The following ZCCHC14 variants were observed in gnomAD, a reference collection of about 807,000 sequenced individuals.
The protein encoded by ZCCHC14 is zinc finger CCHC domain-containing protein 14.
Under a neutral mutation model 85.0 loss-of-function variants are expected in ZCCHC14, and 16 were observed. The observed-to-expected ratio is 0.19, with a 90% CI of 0.13 to 0.29. The LOEUF (loss-of-function observed/expected upper bound fraction) is 0.29, where lower values mean the gene tolerates loss of function less well. Ranked by LOEUF, ZCCHC14 falls within the 10% of genes least tolerant of loss-of-function variation. The pLI is 1.00. For synonymous variants in ZCCHC14, 775 were observed against 630.7 expected (o/e 1.23, Z -3.43); for missense variants, 1,303 against 1,443.5 (o/e 0.90, Z 1.58).
intron 1 of ZCCHC14, chr16:87,467,212 A>C: frequency 6.5e-7 from 1 of 1,531,478 alleles, no homozygotes; most frequent in Non-Finnish European, 9.0e-7. Context: ...TTTTAAAAGG[A>C]AACTCGAATG....
intron 1 of ZCCHC14, chr16:87,471,777 C>T (rs1011223805): frequency 1.3e-4 from 20 of 152,386 alleles, no homozygotes; most frequent in African/African-American, 4.6e-4. Context: ...GACATACTTC[C>T]TAGTCCTGTA....
At position 87,418,254 on chromosome 16, in the gene ZCCHC14, C is replaced by T. The variant is rs547546329; in HGVS notation, c.1101-512G>A. Among the ~76,000 whole-genome samples, 111 of 152,316 alleles carry T rather than the reference C, an allele frequency of 7.3e-4. 1 individual carries two copies. Among genetic ancestry groups the T allele is most frequent in the African/African-American group, 2.6e-3 (106 of 41,566 alleles). On this transcript the variant is annotated intron_variant, in intron 7 of 12. Coordinates refer to ENST00000671377, the MANE Select transcript of ZCCHC14 (RefSeq NM_015144.3). The stretch of plus-strand genomic sequence containing the variant: ...ACAATTTTTCTAGAAAAGTAAAACG[C>T]AGAAGGCTGGAAGGTGTGACCGGCA...
chr16:87,481,463 G>A (rs1912262332), intron 1 of ZCCHC14, among the ~76,000 whole-genome samples: 1 of 147,888 alleles, frequency 6.8e-6, no homozygotes, highest in South Asian at 2.2e-4. Flanking sequence ...TCAAATCTAA[G>A]CCTGCGTCCA....
At chr16:87,443,979 G>C (rs1479351072) in intron 2 of ZCCHC14, among the ~76,000 whole-genome samples, 1 of 141,494 alleles carries the variant, frequency 7.1e-6, no homozygotes, top group Non-Finnish European at 1.5e-5. Flanking sequence ...GGAGATTACA[G>C]TGAGCCAAGA....
intron 2 of ZCCHC14, among the ~76,000 whole-genome samples, chr16:87,442,951 G>A (rs367709047): frequency 1.3e-5 from 2 of 152,196 alleles, no homozygotes; most frequent in African/African-American, 2.4e-5. Context: ...TGAGAGGACT[G>A]TTTGTCAGCG....
At position 87,411,679 on chromosome 16, in the gene ZCCHC14, G is replaced by A; in HGVS notation, c.3042C>T (p.Asn1014=). Residue 1014 remains asparagine, a synonymous_variant, in exon 12 of 13, where the codon AAC becomes AAT. Transcript: ENST00000671377. ...QSTFAVPPMQ[N]FMAGTAGVYQ... is the part of the protein sequence containing the mutation. ...ACACCCCTGCTGTCCCTGCCATGAA[G>A]TTCTGCATGGGTGGCACGGCAAACG... 1 of 1,614,140 alleles carries A rather than the reference G, an allele frequency of 6.2e-7. No homozygotes were observed. Among genetic ancestry groups the A allele is most frequent in the Non-Finnish European group, 8.5e-7 (1 of 1,179,990 alleles).
chr16:87,420,247 G>C lies in ZCCHC14; in HGVS notation c.950+360C>G, dbSNP rs947615412. 1.3e-5 allele frequency among the ~76,000 whole-genome samples: 2 copies of C among 152,186 alleles called. No individual in the cohort carries two copies. Among genetic ancestry groups the C allele is most frequent in the Non-Finnish European group, 2.9e-5 (2 of 68,048 alleles). On this transcript the variant is annotated intron_variant, in intron 5 of 12. Coordinates refer to ENST00000671377, the MANE Select transcript of ZCCHC14 (RefSeq NM_015144.3). The surrounding 1 kb of genome is among the most constrained non-coding windows in gnomAD (Gnocchi z 5.0). Reference sequence around the variant, plus strand: ...TTACTTCGTGTGCCACGTGAGCCAAGACACGATCGAGGGTCCAGAGAAACT... The same window carrying C: ...TTACTTCGTGTGCCACGTGAGCCAACACACGATCGAGGGTCCAGAGAAACT...
At chr16:87,435,085 A>G (rs1054202995) in intron 2 of ZCCHC14, among the ~76,000 whole-genome samples, 2 of 151,170 alleles carry the variant, frequency 1.3e-5, no homozygotes, top group Non-Finnish European at 2.9e-5. Flanking sequence ...GATATTAAGG[A>G]CTCTGACAAG....
intron 3 of ZCCHC14, among the ~76,000 whole-genome samples, chr16:87,426,102 C>T (rs1328631527): frequency 4.6e-5 from 7 of 152,162 alleles, no homozygotes; most frequent in Non-Finnish European, 1.0e-4. Context: ...CACAGTCAGG[C>T]GGAGACCAGC....
chr16:87,420,502 G>T lies in ZCCHC14; in HGVS notation c.950+105C>A. 1 of 850,510 alleles carries T rather than the reference G, an allele frequency of 1.2e-6. No individual in the cohort carries two copies. 52.7% of individuals were successfully genotyped at this position (850,510 alleles called of 1,614,324 possible). A position where few individuals can be genotyped will look rare whatever the true frequency, so the allele number is the denominator to read the frequency against. On this transcript the variant is annotated intron_variant, in intron 5 of 12. Coordinates refer to ENST00000671377, the MANE Select transcript of ZCCHC14 (RefSeq NM_015144.3). The surrounding 1 kb of genome is among the most constrained non-coding windows in gnomAD (Gnocchi z 5.0). ...GCCAAGTAGAGACCCAGGTCCAGGT[G>T]ACCGCGCATCCTCCCAGAGCTCCTT...
intron 7 of ZCCHC14, chr16:87,418,054 T>G: frequency 2.6e-6 from 1 of 381,954 alleles, no homozygotes; most frequent in Non-Finnish European, 4.7e-6. Context: ...GTATGTGTAT[T>G]ATGTATGTGT....
chr16:87,483,009 A>C (rs1439133662), intron 1 of ZCCHC14, among the ~76,000 whole-genome samples: 4 of 152,174 alleles, frequency 2.6e-5, no homozygotes, highest in African/African-American at 9.7e-5. Flanking sequence ...AAAACCCAGA[A>C]GCCATACCAA....
chr16:87,421,335 G>A (rs970956388), intron 4 of ZCCHC14, among the ~76,000 whole-genome samples: 15 of 152,172 alleles, frequency 9.9e-5, no homozygotes, highest in African/African-American at 3.6e-4. Flanking sequence ...CAAACCAAAG[G>A]CCCGGTTTTT....
chr16:87,476,411 T>G (rs1160368591), intron 1 of ZCCHC14, among the ~76,000 whole-genome samples: 1 of 152,018 alleles, frequency 6.6e-6, no homozygotes, highest in East Asian at 1.9e-4. Context: ...CAAACAACAA[T>G]ACTATATATG....
intron 1 of ZCCHC14, among the ~76,000 whole-genome samples, chr16:87,482,104 C>T (rs968398366): frequency 1.3e-5 from 2 of 152,160 alleles, no homozygotes; most frequent in African/African-American, 2.4e-5. Flanking sequence ...CCAACACTGC[C>T]GCACTGGGGA....
At chr16:87,480,836 G>T (rs1344934187) in intron 1 of ZCCHC14, among the ~76,000 whole-genome samples, 1 of 152,206 alleles carries the variant, frequency 6.6e-6, no homozygotes, top group Non-Finnish European at 1.5e-5. Flanking sequence ...GCGTATAGGG[G>T]TATCACAGGT....
intron 1 of ZCCHC14, among the ~76,000 whole-genome samples, chr16:87,477,108 G>C (rs1912042259): frequency 1.0e-5 from 1 of 99,946 alleles, no homozygotes; most frequent in Non-Finnish European, 1.7e-5. Flanking sequence ...CTGACAGAGA[G>C]AGACTCAGTC....
chr16:87,418,871 C>T lies in ZCCHC14; in HGVS notation c.1076G>A (p.Gly359Asp), dbSNP rs1908937541. The change falls in exon 7 of 13, where the codon GGT (glycine) becomes GAT (aspartate). Residue 359 changes from glycine (G) to aspartate (D), a missense_variant. Gly to Asp is a moderately conservative substitution (Grantham distance 94). Coordinates refer to ENST00000671377, the MANE Select transcript of ZCCHC14 (RefSeq NM_015144.3). ...CCTTCCAGACACGCCCATCACGGTA[C>T]CTACTTTAGAAAGGGAGGGATTGCC... is the stretch of plus-strand genomic sequence containing the variant. ...SPGNPSLSKV[G>D]TVMGVSGRPV... 6.2e-7 allele frequency: 1 copy of T among 1,613,158 alleles called. No homozygotes were observed. The highest frequency in any genetic ancestry group is 1.3e-5 in the African/African-American group (1 of 74,856).
intron 1 of ZCCHC14, among the ~76,000 whole-genome samples, chr16:87,476,218 A>C (rs1277413455): frequency 6.6e-6 from 1 of 152,190 alleles, no homozygotes; most frequent in Non-Finnish European, 1.5e-5. Context: ...CGAAAATACT[A>C]AAGTGAGTTT....
Sources: gnomAD v4.1 joint callset for allele counts (sites outside exome capture counted in the v4.1 genomes callset) on GRCh38, gnomAD v4.1.1 for gene constraint, Gnocchi (gnomAD v3.1) non-coding constraint, MANE v1.5 for transcripts, NCBI Gene and HGNC (gene_info 2026-07-23, HGNC 2026-07-21) for gene names.